CHRM3: variants seen among roughly 807,000 people sequenced by gnomAD.
The protein encoded by CHRM3 is muscarinic acetylcholine receptor M3.
In CHRM3, 11 loss-of-function variants were observed where a neutral mutation model predicts 41.8. The observed-to-expected ratio is 0.26, with a 90% confidence interval of 0.17 to 0.44. CHRM3 has a LOEUF of 0.44. Among genes scored for constraint, CHRM3 ranks in the 20% least tolerant of loss-of-function variants. CHRM3 has a pLI of 1.00. For missense variants in CHRM3, 571 were observed against 745.4 expected, an observed-to-expected ratio of 0.77 and a Z score of 2.72; for synonymous variants, 297 against 301.4, an observed-to-expected ratio of 0.99 and a Z score of 0.15.
chr1:239,700,435 A>C (rs1171501793), intron 5 of CHRM3, among the ~76,000 whole-genome samples: 1 of 152,206 alleles, frequency 6.6e-6, no homozygotes, highest in Non-Finnish European at 1.5e-5. Context: ...CTAAAAAGCA[A>C]GTCCCAAACT....
At chr1:239,781,996 A>T (rs1668539508) in intron 5 of CHRM3, among the ~76,000 whole-genome samples, 1 of 151,968 alleles carries the variant, frequency 6.6e-6, no homozygotes. Flanking sequence ...CCTTTTATGT[A>T]TTGTTGGATT....
chr1:239,589,769 A>T (rs1022322317), intron 3 of CHRM3, among the ~76,000 whole-genome samples: 2 of 149,940 alleles, frequency 1.3e-5, no homozygotes, highest in African/African-American at 2.4e-5. Flanking sequence ...AGATGTCTAC[A>T]CAGGTAGGAG....
chr1:239,601,495 G>A (rs1011874423), intron 3 of CHRM3, among the ~76,000 whole-genome samples: 5 of 151,732 alleles, frequency 3.3e-5, no homozygotes, highest in African/African-American at 9.7e-5. Context: ...AAGGAAATGT[G>A]TTTTAGAGAA....
At chr1:239,424,099 C>G (rs1444138575) in intron 1 of CHRM3, among the ~76,000 whole-genome samples, 1 of 151,104 alleles carries the variant, frequency 6.6e-6, no homozygotes, top group African/African-American at 2.4e-5. Flanking sequence ...CCAAATGCCT[C>G]TTTCTTTGTG....
At chr1:239,491,504 A>G (rs1263103153) in intron 1 of CHRM3, among the ~76,000 whole-genome samples, 3 of 152,250 alleles carry the variant, frequency 2.0e-5, no homozygotes, top group Non-Finnish European at 2.9e-5. Context: ...CCATGTTGCC[A>G]TGAATGACAG....
chr1:239,492,955 C>T (rs1004914031), intron 2 of CHRM3, 148 bp downstream of exon 2: 2 of 152,160 alleles, frequency 1.3e-5, no homozygotes, highest in Non-Finnish European at 2.9e-5. Flanking sequence ...CAATATTATA[C>T]TGCTTAAGAA....
Position 239,635,335 on chromosome 1 carries a change from A to G in CHRM3, c.-250+3049A>G, listed in dbSNP as rs184768667. 4.6e-5 allele frequency among the ~76,000 whole-genome samples: 7 copies of G among 152,342 alleles called. No homozygotes were observed. In the East Asian group the frequency reaches 1.4e-3, roughly 29 times the overall value. On this transcript the variant is annotated intron_variant, in intron 4 of 6. Transcript: ENST00000676153. ...CCCCTACATTTAGAATCAAATCCAA[A>G]TGCATTAACATGACTTATAAATCTG... is the stretch of plus-strand genomic sequence containing the variant.
In CHRM3 at chr1:239,827,216, A is replaced by C. The variant is rs199897692; in HGVS notation, c.-146-36A>C. The C allele has an allele frequency of 1.3e-5, 2 of 152,218 alleles. 1 individual carries two copies. Among genetic ancestry groups the C allele is most frequent in the South Asian group, 4.1e-4 (2 of 4,820 alleles). 9.4% of individuals were successfully genotyped at this position (152,218 alleles called of 1,614,324 possible). A position where few individuals can be genotyped will look rare whatever the true frequency, so the allele number is the denominator to read the frequency against. On this transcript the variant is annotated intron_variant, in intron 5 of 6. Transcript: ENST00000676153. ...AAAAACAGGAATCCAAAGTGGGAGA[A>C]GGAACTGACTCCTTGCCTGGTTTCT...
chr1:239,880,579 G>A (rs1001919637), intron 6 of CHRM3, among the ~76,000 whole-genome samples: 6 of 152,146 alleles, frequency 3.9e-5, no homozygotes, highest in South Asian at 2.1e-4. Flanking sequence ...CACTGAGGCC[G>A]CTAACTCCTG....
At chr1:239,631,669 A>G (rs761239484) in intron 3 of CHRM3, among the ~76,000 whole-genome samples, 1 of 152,164 alleles carries the variant, frequency 6.6e-6, no homozygotes, top group South Asian at 2.1e-4. Flanking sequence ...GTACACTTCA[A>G]AAAGGTGAAC....
intron 6 of CHRM3, among the ~76,000 whole-genome samples, chr1:239,901,355 G>A (rs541684398): frequency 7.3e-4 from 110 of 151,316 alleles, no homozygotes; most frequent in African/African-American, 2.4e-3. Context: ...TCCTCATTCG[G>A]GACATTACAG....
intron 6 of CHRM3, among the ~76,000 whole-genome samples, chr1:239,853,011 T>A (rs952219128): frequency 2.0e-5 from 3 of 152,034 alleles, no homozygotes; most frequent in Non-Finnish European, 4.4e-5. Flanking sequence ...TGTGTTCAAA[T>A]GAATTTATTT....
At chr1:239,890,878 T>A (rs1678497905) in intron 6 of CHRM3, among the ~76,000 whole-genome samples, 1 of 152,198 alleles carries the variant, frequency 6.6e-6, no homozygotes. Flanking sequence ...ATAAAGTGTT[T>A]GATGCATGTT....
At chr1:239,706,833 T>A (rs1162324680) in intron 5 of CHRM3, 1 of 152,054 alleles carries the variant, frequency 6.6e-6, no homozygotes, top group Non-Finnish European at 1.5e-5. Context: ...TGTACACACA[T>A]GCAGAGGCAT....
intron 2 of CHRM3, among the ~76,000 whole-genome samples, chr1:239,503,868 A>G (rs1668399351): frequency 6.6e-6 from 1 of 152,178 alleles, no homozygotes; most frequent in South Asian, 2.1e-4. Context: ...AGCCACATGT[A>G]GGAGAATGAA....
intron 3 of CHRM3, among the ~76,000 whole-genome samples, chr1:239,551,336 A>G (rs1210232865): frequency 6.6e-6 from 1 of 150,680 alleles, no homozygotes. Flanking sequence ...CTAATTTTGT[A>G]TTTTTGGTAG....
intron 2 of CHRM3, among the ~76,000 whole-genome samples, chr1:239,512,658 A>G (rs1284316379): frequency 6.9e-6 from 1 of 144,436 alleles, no homozygotes; most frequent in Non-Finnish European, 1.5e-5. Context: ...GCTTTCTCTC[A>G]CTCTTTATTT....
intron 5 of CHRM3, among the ~76,000 whole-genome samples, chr1:239,823,397 A>C (rs1255981637): frequency 1.3e-5 from 2 of 152,066 alleles, no homozygotes; most frequent in Non-Finnish European, 2.9e-5. Context: ...GACAGTTGAC[A>C]AGCCAATTAT....
intron 5 of CHRM3, among the ~76,000 whole-genome samples, chr1:239,756,733 C>T (rs1231045657): frequency 1.3e-5 from 2 of 152,156 alleles, no homozygotes; most frequent in African/African-American, 4.8e-5. Context: ...AGTTCTATAA[C>T]TAAATTTTGA....
Sources: allele counts gnomAD v4.1 joint callset (sites outside exome capture counted in the v4.1 genomes callset), GRCh38; gene constraint gnomAD v4.1.1; transcripts MANE v1.5; gene names NCBI Gene and HGNC (gene_info 2026-07-23, HGNC 2026-07-21).